Variants in FGF2 observed in about 807,000 individuals in gnomAD.
FGF2 encodes fibroblast growth factor 2.
FGF2 carries 13 observed loss-of-function variants against 15.9 expected under a neutral mutation model. The observed-to-expected ratio is 0.82, with a 90% CI of 0.53 to 1.30. The LOEUF is 1.30. Ranked by LOEUF, FGF2 falls within the 50% of genes most tolerant of loss-of-function variation. FGF2 has a pLI of 0.00. For synonymous variants in FGF2, 90 were observed against 78.4 expected (o/e 1.15, Z -0.78); for missense variants, 163 against 196.9 (o/e 0.83, Z 1.03).
chr4:122,846,951 G>A (rs1049376682), intron 1 of FGF2, among the ~76,000 whole-genome samples: 2 of 152,186 alleles, frequency 1.3e-5, no homozygotes, highest in African/African-American at 4.8e-5. Flanking sequence ...GGGCTGTGGA[G>A]CACTCCTGGG....
rs759902443 is a variant in FGF2, at chr4:122,826,958, C to T, written c.-217C>T. ...TGAACCCCAGGTCCCGGGCCGCCGG[C>T]TCGCCGCGCACCAGGGGCCGGCGGA... is the stretch of plus-strand genomic sequence containing the variant. On this transcript the variant is annotated 5_prime_UTR_variant, in exon 1 of 3. Coordinates refer to ENST00000644866, the MANE Select transcript of FGF2 (RefSeq NM_001361665.2). The T allele has an allele frequency of 3.5e-5, 47 of 1,347,090 alleles. No homozygotes were observed. Among genetic ancestry groups the T allele is most frequent in the Middle Eastern group, 2.7e-4 (1 of 3,706 alleles). The allele number at this position is 1,347,090 out of a possible 1,614,324, so 83.4% of individuals were successfully genotyped here. A position where few individuals can be genotyped will look rare whatever the true frequency, so the allele number is the denominator to read the frequency against.
At chr4:122,828,462 G>C (rs1181952887) in intron 1 of FGF2, among the ~76,000 whole-genome samples, 1 of 152,176 alleles carries the variant, frequency 6.6e-6, no homozygotes, top group Non-Finnish European at 1.5e-5. Context: ...TCCTTTATGG[G>C]TTCCAGGTGG....
At position 122,897,491 on chromosome 4, in the gene FGF2, T is replaced by C. The variant is rs1224376753; in HGVS notation, c.*5095T>C. ...GCTAATTATATCAGCTCTGAGGTAATTTCTGAAATGTTCAGACTCAGTCGG... is the reference window on the plus strand; with the variant it reads ...GCTAATTATATCAGCTCTGAGGTAACTTCTGAAATGTTCAGACTCAGTCGG... On this transcript the variant is annotated 3_prime_UTR_variant, in exon 3 of 3. Transcript: ENST00000644866. The C allele has an allele frequency of 4.4e-6, 3 of 688,224 alleles. No individual in the cohort carries two copies. The highest frequency in any genetic ancestry group is 7.8e-6 in the Non-Finnish European group (3 of 383,450). 42.6% of individuals were successfully genotyped at this position (688,224 alleles called of 1,614,324 possible).
At chr4:122,839,127 T>G (rs1712411161) in intron 1 of FGF2, among the ~76,000 whole-genome samples, 1 of 152,154 alleles carries the variant, frequency 6.6e-6, no homozygotes, top group South Asian at 2.1e-4. Flanking sequence ...TGAAATTACC[T>G]AAGGATGCAT....
intron 1 of FGF2, among the ~76,000 whole-genome samples, chr4:122,836,276 T>C (rs1409845248): frequency 6.6e-6 from 1 of 152,214 alleles, no homozygotes; most frequent in Non-Finnish European, 1.5e-5. Flanking sequence ...CCAAGTCTCT[T>C]AACTTCCTTT....
intron 2 of FGF2, among the ~76,000 whole-genome samples, chr4:122,886,355 C>CTG (rs1727059646): frequency 6.6e-6 from 1 of 152,082 alleles, no homozygotes; most frequent in African/African-American, 2.4e-5. Context: ...CCTTGCTTAC[C>CTG]TGGCTGAGGT....
At chr4:122,876,499 C>G (rs1239325626) in intron 2 of FGF2, 75 bp downstream of exon 2, 2 of 917,220 alleles carry the variant, frequency 2.2e-6, no homozygotes, top group Non-Finnish European at 3.6e-6. Context: ...TGTTGTTTAT[C>G]AAATCTTTAT....
intron 1 of FGF2, among the ~76,000 whole-genome samples, chr4:122,854,667 G>A (rs932874350): frequency 6.6e-6 from 1 of 152,148 alleles, no homozygotes; most frequent in Non-Finnish European, 1.5e-5. Context: ...CAGGGGATGC[G>A]GGGAAGAATT....
chr4:122,888,384 G>A (rs565755011), intron 2 of FGF2, among the ~76,000 whole-genome samples: 1 of 152,190 alleles, frequency 6.6e-6, no homozygotes, highest in African/African-American at 2.4e-5. Flanking sequence ...TGTAGTCTTG[G>A]CAGCGAGAAT....
chr4:122,866,604 G>A (rs751480644), intron 1 of FGF2, among the ~76,000 whole-genome samples: 1 of 152,124 alleles, frequency 6.6e-6, no homozygotes, highest in Non-Finnish European at 1.5e-5. Context: ...ATTACCCATC[G>A]AAGAAATGCA....
At chr4:122,886,272 T>C (rs938461296) in intron 2 of FGF2, among the ~76,000 whole-genome samples, 1 of 152,114 alleles carries the variant, frequency 6.6e-6, no homozygotes, top group Admixed American at 6.5e-5. Context: ...AGGAAGACTA[T>C]AGAAGTAAAG....
In FGF2 at chr4:122,827,212, C is replaced by G. The variant is rs774338502; in HGVS notation, c.38C>G (p.Pro13Arg). 2 of 1,609,828 alleles carry G rather than the reference C, an allele frequency of 1.2e-6. No homozygotes were observed. The highest frequency in any genetic ancestry group is 3.3e-5 in the Admixed American group (2 of 59,786). Residue 13 changes from proline to arginine, a missense_variant, in exon 1 of 3, where the codon CCC becomes CGC. Coordinates refer to ENST00000644866, the MANE Select transcript of FGF2 (RefSeq NM_001361665.2). This position sits in a 1 kb window ranked among gnomAD's most constrained non-coding sequence, Gnocchi z 4.2. The part of the protein sequence containing the change: ...AGSITTLPAL[P>R]EDGGSGAFPP... Reference sequence around the variant, plus strand: ...AGCATCACCACGCTGCCCGCCTTGCCCGAGGATGGCGGCAGCGGCGCCTTC... The same window carrying G: ...AGCATCACCACGCTGCCCGCCTTGCGCGAGGATGGCGGCAGCGGCGCCTTC...
chr4:122,834,652 T>G (rs1030823405), intron 1 of FGF2, among the ~76,000 whole-genome samples: 6 of 152,234 alleles, frequency 3.9e-5, no homozygotes. Flanking sequence ...CTGAGAAAAT[T>G]ATGACACTGC....
chr4:122,877,655 G>A lies in FGF2; in HGVS notation c.282+1231G>A, dbSNP rs45613136. 3.3e-3 allele frequency among the ~76,000 whole-genome samples: 505 copies of A among 152,336 alleles called. 1 individual carries two copies. Among genetic ancestry groups the A allele is most frequent in the Admixed American group, 6.4e-3 (98 of 15,308 alleles). ...AGGACATGTATGTAAATGTTTGTGC[G>A]TGTGTGTGTTTCACAGCTCTTACAC... On this transcript the variant is annotated intron_variant, in intron 2 of 2. Coordinates refer to ENST00000644866, the MANE Select transcript of FGF2 (RefSeq NM_001361665.2).
chr4:122,878,859 A>T (rs1726908319), intron 2 of FGF2, among the ~76,000 whole-genome samples: 2 of 152,194 alleles, frequency 1.3e-5, no homozygotes. Context: ...GGTTTGGGTG[A>T]GAAGGTAGAC....
intron 1 of FGF2, among the ~76,000 whole-genome samples, chr4:122,844,342 T>C (rs2150767656): frequency 6.6e-6 from 1 of 152,248 alleles, no homozygotes; most frequent in South Asian, 2.1e-4. Context: ...CTCTTTCTAT[T>C]TTTGTCCCAT....
Position 122,849,687 on chromosome 4 carries a change from A to G in FGF2, c.178+22335A>G, listed in dbSNP as rs952508700. On this transcript the variant is annotated intron_variant, in intron 1 of 2. Coordinates refer to ENST00000644866, the MANE Select transcript of FGF2 (RefSeq NM_001361665.2). The stretch of plus-strand genomic sequence containing the variant: ...TAGATACATTTTAAGGTATAGGAAC[A>G]TTGAGGGACTTCATGTCTGTGATAT... Among the ~76,000 whole-genome samples, 21 of 152,320 alleles carry G rather than the reference A, an allele frequency of 1.4e-4. No individual in the cohort carries two copies. The East Asian group carries it at 2.7e-3, about 20-fold the overall frequency.
Position 122,892,346 on chromosome 4 carries a change from G to C in FGF2, c.418G>C (p.Gly140Arg). 2 of 1,614,118 alleles carry C rather than the reference G, an allele frequency of 1.2e-6. No individual in the cohort carries two copies. Among genetic ancestry groups the C allele is most frequent in the Non-Finnish European group, 1.7e-6 (2 of 1,179,998 alleles). Reference sequence around the variant, plus strand: ...GCAGTATAAACTTGGATCCAAAACAGGACCTGGGCAGAAAGCTATACTTTT... The same window carrying C: ...GCAGTATAAACTTGGATCCAAAACACGACCTGGGCAGAAAGCTATACTTTT... ...TGQYKLGSKT[G>R]PGQKAILFLP... Residue 140 changes from glycine to arginine, a missense_variant, in exon 3 of 3, where the codon GGA becomes CGA. By Grantham distance (125) the Gly-to-Arg change is moderately radical. Transcript: ENST00000644866.
intron 2 of FGF2, among the ~76,000 whole-genome samples, chr4:122,889,560 T>G (rs908930471): frequency 6.6e-6 from 1 of 152,214 alleles, no homozygotes; most frequent in African/African-American, 2.4e-5. Flanking sequence ...TCTACTTTTC[T>G]TGACCACTAA....
Sources: gnomAD v4.1 joint callset for allele counts (sites outside exome capture counted in the v4.1 genomes callset) on GRCh38, gnomAD v4.1.1 for gene constraint, Gnocchi (gnomAD v3.1) non-coding constraint, MANE v1.5 for transcripts, NCBI Gene and HGNC (gene_info 2026-07-23, HGNC 2026-07-21) for gene names.